The following SLC49A4 variants were observed in gnomAD, a reference collection of about 807,000 sequenced individuals.
SLC49A4 encodes disrupted in renal cancer protein 2.
In SLC49A4, 36 loss-of-function variants were observed where a neutral mutation model predicts 50.6. That is an observed-to-expected ratio of 0.71 (90% CI 0.55 to 0.94). The LOEUF (loss-of-function observed/expected upper bound fraction) is 0.94, where lower values mean the gene tolerates loss of function less well. Ranked by LOEUF, SLC49A4 falls within the 40% of genes least tolerant of loss-of-function variation. The pLI, the probability that SLC49A4 is intolerant of heterozygous loss-of-function variation, is 0.00. For missense variants in SLC49A4, 503 were observed against 605.7 expected, an observed-to-expected ratio of 0.83 and a Z score of 1.78; for synonymous variants, 248 against 241.2, an observed-to-expected ratio of 1.03 and a Z score of -0.26.
chr3:122,858,546 C>A (rs891401312), intron 6 of SLC49A4, among the ~76,000 whole-genome samples: 2 of 152,076 alleles, frequency 1.3e-5, no homozygotes, highest in Non-Finnish European at 2.9e-5. Context: ...ATTTTTCCCA[C>A]CAAAAGATGG....
chr3:122,859,776 A>G (rs1937034563), intron 6 of SLC49A4, among the ~76,000 whole-genome samples: 1 of 152,162 alleles, frequency 6.6e-6, no homozygotes, highest in Non-Finnish European at 1.5e-5. Context: ...CCGTGATCAC[A>G]TCACTACACT....
At position 122,879,281 on chromosome 3, in the gene SLC49A4, G is replaced by A; in HGVS notation, c.1340G>A (p.Trp447Ter). The A allele has an allele frequency of 6.2e-7, 1 of 1,613,898 alleles. No homozygotes were observed. Among genetic ancestry groups the A allele is most frequent in the Non-Finnish European group, 8.5e-7 (1 of 1,179,862 alleles). ...CTTACAGAGTTGTCTTGGTTCAACTGGTGCCTTCCCGGGTCGTGTTTGCTC... is the reference window on the plus strand; with the variant it reads ...CTTACAGAGTTGTCTTGGTTCAACTAGTGCCTTCCCGGGTCGTGTTTGCTC... ...FYHTELSWFNWCLPGSCLLSL... is the reference protein window; with the variant it reads ...FYHTELSWFN The change falls in exon 9 of 9, where the codon TGG (tryptophan) becomes TAG (stop). Residue 447 changes from tryptophan (W) to a stop codon, truncating the protein, a stop_gained. Transcript: ENST00000261038. LOFTEE classifies it high-confidence loss of function.
intron 7 of SLC49A4, among the ~76,000 whole-genome samples, chr3:122,870,736 C>T (rs1046030851): frequency 4.0e-5 from 6 of 151,442 alleles, no homozygotes; most frequent in South Asian, 2.1e-4. Context: ...TCACTTGAAC[C>T]GGGGAGGTGG....
chr3:122,835,867 C>G (rs1936676859), intron 4 of SLC49A4, among the ~76,000 whole-genome samples: 1 of 152,130 alleles, frequency 6.6e-6, no homozygotes, highest in African/African-American at 2.4e-5. Context: ...AAAGACTCTT[C>G]CAAAAGACTC....
intron 2 of SLC49A4, among the ~76,000 whole-genome samples, chr3:122,822,527 G>A (rs1180135769): frequency 6.6e-6 from 1 of 152,194 alleles, no homozygotes; most frequent in East Asian, 1.9e-4. Flanking sequence ...CACTGAAACT[G>A]CTTCTACTCA....
intron 4 of SLC49A4, among the ~76,000 whole-genome samples, chr3:122,840,486 AAATAAGTAAAATT>A (rs1275691618): frequency 2.6e-5 from 4 of 152,198 alleles, no homozygotes; most frequent in African/African-American, 4.8e-5. Flanking sequence ...AATTAATTAG[AAATAAGTAAAATT>A]AATAAGTAAA....
At chr3:122,831,430 A>T (rs1218832098) in intron 3 of SLC49A4, among the ~76,000 whole-genome samples, 1 of 152,164 alleles carries the variant, frequency 6.6e-6, no homozygotes, top group Non-Finnish European at 1.5e-5. Context: ...ATATTATTTG[A>T]CAATAAAAAA....
At chr3:122,873,291 C>T (rs1021493732) in intron 8 of SLC49A4, among the ~76,000 whole-genome samples, 3 of 152,008 alleles carry the variant, frequency 2.0e-5, no homozygotes, top group Non-Finnish European at 4.4e-5. Context: ...GCGATTCTCC[C>T]GCCTCAGCCT....
intron 7 of SLC49A4, among the ~76,000 whole-genome samples, chr3:122,869,701 T>G (rs1014475456): frequency 6.6e-6 from 1 of 152,206 alleles, no homozygotes; most frequent in Non-Finnish European, 1.5e-5. Flanking sequence ...ACAATAAAAA[T>G]TTTATCTTTC....
chr3:122,806,410 C>G (rs1936218186), intron 1 of SLC49A4, among the ~76,000 whole-genome samples: 1 of 152,078 alleles, frequency 6.6e-6, no homozygotes, highest in Non-Finnish European at 1.5e-5. Flanking sequence ...CAGAGTCTCA[C>G]TCTGTCGCCC....
At chr3:122,798,875 G>A (rs1322189698) in intron 1 of SLC49A4, among the ~76,000 whole-genome samples, 1 of 151,934 alleles carries the variant, frequency 6.6e-6, no homozygotes, top group Non-Finnish European at 1.5e-5. Context: ...CTAGGCTCAA[G>A]CAAGGCACCA....
At chr3:122,821,874 T>C (rs1403593498) in intron 2 of SLC49A4, among the ~76,000 whole-genome samples, 2 of 152,234 alleles carry the variant, frequency 1.3e-5, no homozygotes, top group African/African-American at 4.8e-5. Flanking sequence ...TCATCTTGTT[T>C]TTTGTATTAC....
At chr3:122,835,566 A>G (rs936965331) in intron 4 of SLC49A4, among the ~76,000 whole-genome samples, 1 of 150,906 alleles carries the variant, frequency 6.6e-6, no homozygotes, top group African/African-American at 2.4e-5. Flanking sequence ...CTTTATGATA[A>G]AAAAAAAACC....
At chr3:122,852,643 C>A (rs987686853) in intron 5 of SLC49A4, among the ~76,000 whole-genome samples, 3 of 152,144 alleles carry the variant, frequency 2.0e-5, no homozygotes, top group African/African-American at 7.2e-5. Flanking sequence ...GGGCTTTAGT[C>A]CCTCAGGAGG....
At position 122,880,501 on chromosome 3, in the gene SLC49A4, G is replaced by A. The variant is rs538710879; in HGVS notation, c.*1123G>A. On this transcript the variant is annotated 3_prime_UTR_variant, in exon 9 of 9. Transcript: ENST00000261038. ...TGTCAGACACAGATTTCACTGTGACGTAAAATACACTGCAGTGAGAATATG... is the reference window on the plus strand; with the variant it reads ...TGTCAGACACAGATTTCACTGTGACATAAAATACACTGCAGTGAGAATATG... The A allele has an allele frequency of 3.3e-5, 5 of 152,222 alleles. No homozygotes were observed. In the South Asian group the frequency reaches 8.3e-4, roughly 25 times the overall value. The allele number at this position is 152,222 out of a possible 1,614,324, so 9.4% of individuals were successfully genotyped here.
chr3:122,824,730 C>CTTTTT (rs71621693), intron 2 of SLC49A4, among the ~76,000 whole-genome samples: 92 of 82,902 alleles, frequency 1.1e-3, no homozygotes, highest in East Asian at 4.5e-3. Context: ...TTTTTTCCTT[C>CTTTTT]TTTTTTTTTT....
At chr3:122,833,793 T>C (rs2107568368) in intron 4 of SLC49A4, among the ~76,000 whole-genome samples, 1 of 152,296 alleles carries the variant, frequency 6.6e-6, no homozygotes, top group South Asian at 2.1e-4. Flanking sequence ...CTATGTGTTA[T>C]ACTTTTCCTA....
At chr3:122,795,804 T>C (rs1936027278) in intron 1 of SLC49A4, among the ~76,000 whole-genome samples, 5 of 152,228 alleles carry the variant, frequency 3.3e-5, no homozygotes, top group Admixed American at 2.6e-4. Context: ...GTTCAAGTTT[T>C]TACACATTGT....
At chr3:122,841,489 A>G (rs1048603001) in intron 4 of SLC49A4, among the ~76,000 whole-genome samples, 5 of 152,260 alleles carry the variant, frequency 3.3e-5, no homozygotes, top group Admixed American at 6.5e-5. Flanking sequence ...CATGCACACT[A>G]TAATAATATC....
Sources: allele counts gnomAD v4.1 joint callset (sites outside exome capture counted in the v4.1 genomes callset), GRCh38; gene constraint gnomAD v4.1.1; transcripts MANE v1.5; gene names NCBI Gene and HGNC (gene_info 2026-07-23, HGNC 2026-07-21).